The following TTC39C variants were observed in gnomAD, a reference collection of about 807,000 sequenced individuals.
TTC39C encodes the protein tetratricopeptide repeat protein 39C.
A neutral mutation model predicts 76.3 loss-of-function variants in TTC39C; 33 were observed. The observed-to-expected ratio is 0.43, with a 90% confidence interval of 0.33 to 0.58. The LOEUF (loss-of-function observed/expected upper bound fraction) is 0.58. Among genes scored for constraint, TTC39C ranks in the 20% least tolerant of loss-of-function variants. The pLI is 0.04. For synonymous variants in TTC39C, 254 were observed against 260.6 expected (o/e 0.97, Z 0.24); for missense variants, 595 against 701.4 (o/e 0.85, Z 1.71).
intron 1 of TTC39C, among the ~76,000 whole-genome samples, chr18:24,049,929 A>T (rs2083927963): frequency 6.6e-6 from 1 of 152,216 alleles, no homozygotes; most frequent in African/African-American, 2.4e-5. Flanking sequence ...CTGTCGTATT[A>T]ATTAGACTGG....
At chr18:24,129,511 C>T (rs2085095010) in intron 11 of TTC39C, among the ~76,000 whole-genome samples, 1 of 152,092 alleles carries the variant, frequency 6.6e-6, no homozygotes, top group Admixed American at 6.5e-5. Context: ...CGGTGGCTCA[C>T]ACCTGTAATC....
At position 24,063,913 on chromosome 18, in the gene TTC39C, C is replaced by T. The variant is rs560152769; in HGVS notation, c.168-227C>T. ...TGTTATAATTTGACTTTTTGTTTGC[C>T]TTGCTTTGAAGAATCAGAGGCAAAT... On this transcript the variant is annotated intron_variant, in intron 1 of 13. Coordinates refer to ENST00000317571, the MANE Select transcript of TTC39C (RefSeq NM_001135993.2). Among the ~76,000 whole-genome samples the T allele has an allele frequency of 2.0e-5, 3 of 152,178 alleles. No individual in the cohort carries two copies. The South Asian group carries it at 6.2e-4, about 32-fold the overall frequency.
At chr18:24,046,083 C>T (rs190075005) in intron 1 of TTC39C, among the ~76,000 whole-genome samples, 2,205 of 150,738 alleles carry the variant, frequency 0.015, 73 homozygotes, top group African/African-American at 0.051. Flanking sequence ...GGACTACAGG[C>T]GCCCGCCACC....
At chr18:24,007,896 T>TTAA (rs2083366494) in intron 1 of TTC39C, among the ~76,000 whole-genome samples, 1 of 152,196 alleles carries the variant, frequency 6.6e-6, no homozygotes, top group African/African-American at 2.4e-5. Flanking sequence ...ACACACTGAC[T>TTAA]TTAATATCTG....
chr18:24,130,466 C>G (rs896462838), intron 12 of TTC39C, 49 bp downstream of exon 12: 1 of 752,382 alleles, frequency 1.3e-6, no homozygotes, highest in Non-Finnish European at 1.8e-6. Context: ...TGTTGTTCAA[C>G]AAAAATGTGG....
At position 24,023,958 on chromosome 18, in the gene TTC39C, A is replaced by ATC. The variant is rs1568408764; in HGVS notation, c.167+8921_167+8922insCT. Reference sequence around the variant, plus strand: ...CATATATATATATGCATGTATATATATATATATATATATATATATATACAT... The same window carrying ATC: ...CATATATATATATGCATGTATATATATCTATATATATATATATATATATACAT... On this transcript the variant is annotated intron_variant, in intron 1 of 13. Coordinates refer to ENST00000317571, the MANE Select transcript of TTC39C (RefSeq NM_001135993.2). Among the ~76,000 whole-genome samples, 22 of 14,666 alleles carry ATC rather than the reference A, an allele frequency of 1.5e-3. 1 individual carries two copies. Among genetic ancestry groups the ATC allele is most frequent in the South Asian group, 3.7e-3 (2 of 546 alleles). The allele number at this position is 14,666 out of a possible 152,430, so 9.6% of individuals were successfully genotyped here.
chr18:24,131,955 C>T (rs1327269527), intron 13 of TTC39C, 35 bp downstream of exon 13: 17 of 1,601,586 alleles, frequency 1.1e-5, no homozygotes, highest in Middle Eastern at 1.7e-4. Flanking sequence ...TCCAGTGGCC[C>T]TTCTTATCCC....
At chr18:24,112,463 T>C (rs191695025) in intron 6 of TTC39C, among the ~76,000 whole-genome samples, 1 of 152,368 alleles carries the variant, frequency 6.6e-6, no homozygotes, top group East Asian at 1.9e-4. Context: ...ATGGAATTAA[T>C]ACATACCTAC....
At chr18:24,061,244 A>G (rs938219628) in intron 1 of TTC39C, among the ~76,000 whole-genome samples, 1 of 151,472 alleles carries the variant, frequency 6.6e-6, no homozygotes, top group African/African-American at 2.4e-5. Flanking sequence ...TTTTTTAAAA[A>G]AATAGGTTTT....
chr18:24,108,892 T>C (rs1305925343), intron 6 of TTC39C, among the ~76,000 whole-genome samples: 3 of 152,162 alleles, frequency 2.0e-5, no homozygotes, highest in Non-Finnish European at 4.4e-5. Context: ...TCTGAAACAA[T>C]TGGTAGGAAA....
At position 24,132,654 on chromosome 18, in the gene TTC39C, A is replaced by G; in HGVS notation, c.*80A>G. On this transcript the variant is annotated 3_prime_UTR_variant, in exon 14 of 14. Coordinates refer to ENST00000317571, the MANE Select transcript of TTC39C (RefSeq NM_001135993.2). The stretch of plus-strand genomic sequence containing the variant: ...AAAAGCAGAGGACAAAGCTCTTGTG[A>G]AGATGGGCTTTTCTTCTGAAAACCA... 11 of 1,238,870 alleles carry G rather than the reference A, an allele frequency of 8.9e-6. No homozygotes were observed. Among genetic ancestry groups the G allele is most frequent in the Non-Finnish European group, 1.2e-5 (11 of 883,402 alleles). The allele number at this position is 1,238,870 out of a possible 1,614,324, so 76.7% of individuals were successfully genotyped here. A position where few individuals can be genotyped will look rare whatever the true frequency, so the allele number is the denominator to read the frequency against.
chr18:24,005,396 T>C (rs961960467), intron 1 of TTC39C, among the ~76,000 whole-genome samples: 1 of 152,204 alleles, frequency 6.6e-6, no homozygotes, highest in Non-Finnish European at 1.5e-5. Context: ...CATAATAAAA[T>C]ATTTTTTTTG....
At chr18:24,022,488 C>T in intron 1 of TTC39C, 1 of 899,524 alleles carries the variant, frequency 1.1e-6, no homozygotes, top group Non-Finnish European at 1.3e-6. Flanking sequence ...TGAAACTGGG[C>T]TGCATGGCTC....
chr18:24,030,695 G>C (rs2083658676), intron 1 of TTC39C, among the ~76,000 whole-genome samples: 1 of 115,550 alleles, frequency 8.7e-6, no homozygotes, highest in East Asian at 3.0e-4. Context: ...TCTGTCACCA[G>C]GCTAAAGTGC....
chr18:24,015,503 T>G (rs1156294860), intron 1 of TTC39C, among the ~76,000 whole-genome samples: 1 of 152,282 alleles, frequency 6.6e-6, no homozygotes, highest in Non-Finnish European at 1.5e-5. Flanking sequence ...GCGCCTCGCA[T>G]GGCTCTGCAA....
intron 6 of TTC39C, among the ~76,000 whole-genome samples, chr18:24,109,341 TAAC>T (rs901868114): frequency 3.3e-5 from 5 of 151,786 alleles, no homozygotes; most frequent in African/African-American, 1.2e-4. Flanking sequence ...ATAATAATAA[TAAC>T]AATAATTAAA....
upstream of TTC39C, among the ~76,000 whole-genome samples, chr18:24,011,794 CT>C (rs1418944767): frequency 1.3e-5 from 2 of 152,124 alleles, no homozygotes; most frequent in Non-Finnish European, 2.9e-5. Flanking sequence ...TTCTTTTTCT[CT>C]TTTTTTCTCC....
chr18:24,054,702 A>G (rs562150330), intron 1 of TTC39C, among the ~76,000 whole-genome samples: 1 of 152,330 alleles, frequency 6.6e-6, no homozygotes, highest in South Asian at 2.1e-4. Flanking sequence ...CATTTATTCT[A>G]TTATAGAAAG....
At chr18:24,033,484 C>G (rs756398085) in intron 1 of TTC39C, among the ~76,000 whole-genome samples, 6 of 152,316 alleles carry the variant, frequency 3.9e-5, no homozygotes, top group Non-Finnish European at 7.4e-5. Flanking sequence ...CTCCACCTTC[C>G]CTTCCTGGAG....
Sources: gnomAD v4.1 joint callset for allele counts (sites outside exome capture counted in the v4.1 genomes callset) on GRCh38, gnomAD v4.1.1 for gene constraint, MANE v1.5 for transcripts, NCBI Gene and HGNC (gene_info 2026-07-23, HGNC 2026-07-21) for gene names.